RBFOX1: variants seen among roughly 807,000 people sequenced by gnomAD.
RBFOX1 encodes RNA binding fox-1 homolog 1, also known as RNA binding protein fox-1 homolog 1.
Under a neutral mutation model 57.7 loss-of-function variants are expected in RBFOX1, and 8 were observed. The ratio of observed to expected loss-of-function variants is 0.14; its 90% CI spans 0.08 to 0.25. The LOEUF (loss-of-function observed/expected upper bound fraction) is 0.25. Among genes scored for constraint, RBFOX1 ranks in the 10% least tolerant of loss-of-function variants. The pLI is 1.00. For synonymous variants in RBFOX1, 326 were observed against 222.4 expected, an observed-to-expected ratio of 1.47 and a Z score of -4.15; for missense variants, 611 against 548.5, an observed-to-expected ratio of 1.11 and a Z score of -1.14.
At chr16:6,656,542 A>G (rs150665146) in intron 3 of RBFOX1, among the ~76,000 whole-genome samples, 10 of 151,824 alleles carry the variant, frequency 6.6e-5, no homozygotes, top group Admixed American at 2.0e-4. Flanking sequence ...GGAAAAAGTC[A>G]TTAATGGTCA....
rs2095487373 is a variant in RBFOX1, at chr16:7,278,726, A to G, written c.27+226628A>G. 1.3e-5 allele frequency among the ~76,000 whole-genome samples: 2 copies of G among 152,218 alleles called. 1 individual carries two copies. The highest frequency in any genetic ancestry group is 2.9e-5 in the Non-Finnish European group (2 of 68,032). On this transcript the variant is annotated intron_variant, in intron 4 of 15. Transcript: ENST00000550418. ...AAAACATATTACAAATTGCCAACTC[A>G]TGATGTATTCAGTTTGAACTTAAAA... is the stretch of plus-strand genomic sequence containing the variant.
At chr16:7,495,815 A>G (rs1317813422) in intron 4 of RBFOX1, among the ~76,000 whole-genome samples, 2 of 152,240 alleles carry the variant, frequency 1.3e-5, no homozygotes, top group Non-Finnish European at 2.9e-5. Context: ...GAACTTATTC[A>G]TGTAAGCAAA....
At chr16:6,841,666 G>C (rs937695121) in intron 3 of RBFOX1, among the ~76,000 whole-genome samples, 12 of 152,198 alleles carry the variant, frequency 7.9e-5, no homozygotes, top group African/African-American at 2.9e-4. Context: ...GTAACAGAGT[G>C]CTTTAGCCCT....
At chr16:6,668,555 C>T (rs2098746321) in intron 3 of RBFOX1, among the ~76,000 whole-genome samples, 1 of 152,188 alleles carries the variant, frequency 6.6e-6, no homozygotes, top group African/African-American at 2.4e-5. Context: ...AGCTTTATAT[C>T]AGGCATGGGT....
intron 3 of RBFOX1, among the ~76,000 whole-genome samples, chr16:6,803,164 T>G (rs1178640222): frequency 6.6e-6 from 1 of 152,030 alleles, no homozygotes; most frequent in African/African-American, 2.4e-5. Context: ...ATGCCATGAG[T>G]TAGACATTTA....
intron 1 of RBFOX1, among the ~76,000 whole-genome samples, chr16:5,369,153 C>T (rs1324036926): frequency 6.6e-6 from 1 of 152,144 alleles, no homozygotes; most frequent in Admixed American, 6.5e-5. Context: ...AAACATGTGC[C>T]ACCATGCCTG....
chr16:5,643,524 T>G (rs2048948959), intron 3 of RBFOX1, among the ~76,000 whole-genome samples: 1 of 152,124 alleles, frequency 6.6e-6, no homozygotes, highest in Admixed American at 6.5e-5. Context: ...CCTAGGAAAA[T>G]CCAGATGTGT....
intron 1 of RBFOX1, among the ~76,000 whole-genome samples, chr16:5,364,170 AT>A (rs1476321503): frequency 6.6e-6 from 1 of 152,222 alleles, no homozygotes; most frequent in East Asian, 1.9e-4. Context: ...TGCTTTATTA[AT>A]TTTTAAGTTT....
intron 4 of RBFOX1, among the ~76,000 whole-genome samples, chr16:7,422,004 C>G (rs1029416232): frequency 6.6e-6 from 1 of 152,062 alleles, no homozygotes; most frequent in African/African-American, 2.4e-5. Context: ...AATAAAAACC[C>G]TCAGAGGCTC....
At chr16:7,400,360 A>C (rs931724131) in intron 4 of RBFOX1, among the ~76,000 whole-genome samples, 1 of 152,182 alleles carries the variant, frequency 6.6e-6, no homozygotes, top group Non-Finnish European at 1.5e-5. Context: ...CCCATCTTTA[A>C]GGAAACTGCA....
intron 3 of RBFOX1, among the ~76,000 whole-genome samples, chr16:6,779,431 G>C (rs573844451): frequency 1.7e-4 from 26 of 151,804 alleles, no homozygotes; most frequent in Admixed American, 1.1e-3. Context: ...TGGACACTCA[G>C]GTTGATTTCA....
intron 4 of RBFOX1, among the ~76,000 whole-genome samples, chr16:7,147,959 A>G (rs1407577170): frequency 6.6e-6 from 1 of 152,194 alleles, no homozygotes; most frequent in Admixed American, 6.5e-5. Context: ...TTCCTCAAGG[A>G]GTAATGCCTA....
At chr16:6,510,206 G>T (rs994280022) in intron 2 of RBFOX1, among the ~76,000 whole-genome samples, 1 of 152,086 alleles carries the variant, frequency 6.6e-6, no homozygotes, top group African/African-American at 2.4e-5. Context: ...ATTTTTATTA[G>T]CCCCTTTGTC....
At chr16:6,226,073 TC>T (rs1456251792) in intron 1 of RBFOX1, among the ~76,000 whole-genome samples, 1 of 151,874 alleles carries the variant, frequency 6.6e-6, no homozygotes, top group East Asian at 1.9e-4. Flanking sequence ...AATTAGTATT[TC>T]CCAGGCCTGG....
chr16:7,671,917 T>A (rs1169317391), intron 13 of RBFOX1, among the ~76,000 whole-genome samples: 1 of 152,230 alleles, frequency 6.6e-6, no homozygotes, highest in East Asian at 1.9e-4. Flanking sequence ...CTAGCTTGGC[T>A]GTTAATTTTT....
At chr16:6,084,114 A>G (rs1332929343) in intron 1 of RBFOX1, among the ~76,000 whole-genome samples, 4 of 152,208 alleles carry the variant, frequency 2.6e-5, no homozygotes, top group African/African-American at 7.2e-5. Flanking sequence ...ATCTGTAAAT[A>G]CGGCCAATAA....
intron 3 of RBFOX1, among the ~76,000 whole-genome samples, chr16:6,817,667 C>T (rs1352206339): frequency 6.6e-6 from 1 of 151,556 alleles, no homozygotes; most frequent in African/African-American, 2.4e-5. Flanking sequence ...TGCACCACTG[C>T]ACTCCAGCCT....
At position 5,871,089 on chromosome 16, in the gene RBFOX1, G is replaced by T. The variant is rs1360475222; in HGVS notation, c.351+3754G>T. 4.6e-5 allele frequency among the ~76,000 whole-genome samples: 7 copies of T among 152,266 alleles called. No individual in the cohort carries two copies. In the South Asian group the frequency reaches 1.4e-3, roughly 32 times the overall value. Reference sequence around the variant, plus strand: ...TTGAAAACATGACAGCAAGCTGTTTGTGCCAATAAATTTTCATGGCATATG... The same window carrying T: ...TTGAAAACATGACAGCAAGCTGTTTTTGCCAATAAATTTTCATGGCATATG... On this transcript the variant is annotated intron_variant, in intron 4 of 19. Coordinates refer to the RBFOX1 transcript ENST00000641259.
chr16:6,410,057 A>C (rs2093407556), intron 2 of RBFOX1, among the ~76,000 whole-genome samples: 2 of 152,020 alleles, frequency 1.3e-5, no homozygotes, highest in Non-Finnish European at 2.9e-5. Flanking sequence ...CTTCTGGGAA[A>C]ATGCCTCTGT....
Sources: gnomAD v4.1 joint callset for allele counts (sites outside exome capture counted in the v4.1 genomes callset) on GRCh38, gnomAD v4.1.1 for gene constraint, MANE v1.5 for transcripts, NCBI Gene and HGNC (gene_info 2026-07-23, HGNC 2026-07-21) for gene names.